The following MAPK3 variants were observed in gnomAD, a reference collection of about 807,000 sequenced individuals.
The protein encoded by MAPK3 is mitogen-activated protein kinase 3, also known as MAPK 1.
Under a neutral mutation model 41.8 loss-of-function variants are expected in MAPK3, and 30 were observed. The ratio of observed to expected loss-of-function variants is 0.72; its 90% CI spans 0.54 to 0.97. MAPK3 has a LOEUF of 0.97. MAPK3 is among the 50% of genes least tolerant of loss of function. The pLI is 0.00. For missense variants in MAPK3, 413 were observed against 509.9 expected (o/e 0.81, Z 1.83); for synonymous variants, 222 against 213.4 (o/e 1.04, Z -0.35).
chr16:30,121,795 ACCAGCCGACTGGC>A lies in MAPK3; in HGVS notation c.353+16_353+28del, dbSNP rs1320908548. Reference sequence around the variant, plus strand: ...CAGCCCAGCTGCGAGGCCGTGCCTGACCAGCCGACTGGCCAAGGTGAAGGATACACATCTCTCA... The same window carrying A: ...CAGCCCAGCTGCGAGGCCGTGCCTGACAAGGTGAAGGATACACATCTCTCA... On this transcript the variant is annotated intron_variant, in intron 2 of 8. Transcript: ENST00000263025. 1.5e-5 allele frequency: 24 copies of A among 1,605,680 alleles called. No individual in the cohort carries two copies. The highest frequency in any genetic ancestry group is 2.7e-5 in the African/African-American group (2 of 74,834).
At chr16:30,121,401 C>T (rs1234074460) in intron 2 of MAPK3, among the ~76,000 whole-genome samples, 3 of 152,214 alleles carry the variant, frequency 2.0e-5, no homozygotes, top group Non-Finnish European at 4.4e-5. Flanking sequence ...TGAGCCACCA[C>T]GCCCAGCTGA....
chr16:30,115,073 C>CAAA (rs35952168), intron 8 of MAPK3, among the ~76,000 whole-genome samples: 5 of 65,506 alleles, frequency 7.6e-5, no homozygotes, highest in Admixed American at 1.8e-4. Context: ...CCCAGCTCCA[C>CAAA]AAAAAAAAAA....
intron 5 of MAPK3, 82 bp from the exon 6 acceptor site, chr16:30,117,367 C>A (rs2072967443): frequency 1.4e-6 from 2 of 1,441,038 alleles, no homozygotes; most frequent in South Asian, 2.5e-5. Context: ...GAACAAGACC[C>A]CCCAGCCCAG....
At chr16:30,122,092 G>A (rs780248443) in intron 1 of MAPK3, 86 bp from the exon 2 acceptor site, 2 of 1,324,774 alleles carry the variant, frequency 1.5e-6, no homozygotes, top group Non-Finnish European at 2.2e-6. Flanking sequence ...TTGGCAGGGA[G>A]GGGAGAGAGC....
intron 5 of MAPK3, 111 bp downstream of exon 5, chr16:30,117,559 T>C (rs2072969778): frequency 3.5e-6 from 3 of 855,446 alleles, no homozygotes; most frequent in Admixed American, 1.8e-5. Context: ...TGAGATACCA[T>C]GAGATGCTGG....
In MAPK3 at chr16:30,117,217, G is replaced by C; in HGVS notation, c.844C>G (p.Gln282Glu). 5 of 1,614,150 alleles carry C rather than the reference G, an allele frequency of 3.1e-6. No homozygotes were observed. The highest frequency in any genetic ancestry group is 4.2e-6 in the Non-Finnish European group (5 of 1,180,016). ...IINMKARNYL[Q>E]SLPSKTKVAW... Reference sequence around the variant, plus strand: ...ACCTTGGTCTTGGAGGGCAGAGACTGTAGGTAGTTTCGGGCCTTCATGTTG... The same window carrying C: ...ACCTTGGTCTTGGAGGGCAGAGACTCTAGGTAGTTTCGGGCCTTCATGTTG... Residue 282 changes from glutamine (Q) to glutamate (E), a missense_variant, in exon 6 of 9, where the codon CAG (glutamine) becomes GAG (glutamate). Physicochemically the swap from Gln to Glu is conservative, Grantham distance 29 (BLOSUM62 2). Coordinates refer to ENST00000263025, the MANE Select transcript of MAPK3 (RefSeq NM_002746.3).
At chr16:30,118,909 C>T (rs565607922) in intron 2 of MAPK3, among the ~76,000 whole-genome samples, 96 of 152,052 alleles carry the variant, frequency 6.3e-4, no homozygotes, top group African/African-American at 2.2e-3. Flanking sequence ...GAGGCTGAGG[C>T]GGGAGGACTG....
intron 1 of MAPK3, 94 bp downstream of exon 1, chr16:30,122,946 T>C: frequency 8.9e-7 from 1 of 1,127,806 alleles, no homozygotes; most frequent in Non-Finnish European, 1.2e-6. Context: ...ACGCTCCGCG[T>C]CTCCACGTCC....
intron 2 of MAPK3, among the ~76,000 whole-genome samples, chr16:30,121,390 G>A (rs191955048): frequency 6.6e-6 from 1 of 152,168 alleles, no homozygotes; most frequent in Non-Finnish European, 1.5e-5. Context: ...GATTACAGGC[G>A]TGAGCCACCA....
chr16:30,123,177 G>T lies in MAPK3; in HGVS notation c.33C>A (p.Gly11=). 2 of 636,916 alleles carry T rather than the reference G, an allele frequency of 3.1e-6. No individual in the cohort carries two copies. The highest frequency in any genetic ancestry group is 2.1e-6 in the Non-Finnish European group (1 of 465,312). The allele number at this position is 636,916 out of a possible 1,614,324, so 39.5% of individuals were successfully genotyped here. A position where few individuals can be genotyped will look rare whatever the true frequency, so the allele number is the denominator to read the frequency against. ...CCCCCTCGGTTCTACGGGGCTCCCC[G>T]CCCCCGCCCCCCTGAGCCGCCGCCG... MAAAAAQGGG[G]GEPRRTEGVG... The change falls in exon 1 of 9, where the codon GGC becomes GGA. Residue 11 remains glycine, a synonymous_variant. Coordinates refer to ENST00000263025, the MANE Select transcript of MAPK3 (RefSeq NM_002746.3).
intron 8 of MAPK3, 117 bp downstream of exon 8, chr16:30,116,519 G>A: frequency 2.6e-6 from 3 of 1,154,702 alleles, no homozygotes; most frequent in South Asian, 1.5e-5. Context: ...CATTGACCAT[G>A]GGTGTGGGGT....
intron 8 of MAPK3, among the ~76,000 whole-genome samples, chr16:30,115,035 GA>G (rs2072941256): frequency 6.7e-6 from 1 of 148,850 alleles, no homozygotes; most frequent in Non-Finnish European, 1.5e-5. Context: ...CCAGGAGTTT[GA>G]GACTGGCCTG....
At chr16:30,122,927 C>T in intron 1 of MAPK3, 113 bp downstream of exon 1, 1 of 995,812 alleles carries the variant, frequency 1.0e-6, no homozygotes, top group Non-Finnish European at 1.4e-6. Flanking sequence ...AGTCTCCTGC[C>T]TCCTCGGGAC....
At chr16:30,122,169 C>T in intron 1 of MAPK3, 163 bp from the exon 2 acceptor site, 3 of 683,082 alleles carry the variant, frequency 4.4e-6, no homozygotes, top group Admixed American at 5.3e-5. Context: ...CTGGGATCTC[C>T]AGAGAGAAAG....
At chr16:30,114,849 T>TAATAGTACCTC (rs2072939267) in intron 8 of MAPK3, 141 bp from the exon 9 acceptor site, 1 of 152,186 alleles carries the variant, frequency 6.6e-6, no homozygotes, top group Non-Finnish European at 1.5e-5. Context: ...ATGGAGATAA[T>TAATAGTACCTC]AATAGTACCT....
chr16:30,121,755 C>A (rs1043072601), intron 2 of MAPK3, 69 bp downstream of exon 2: 11 of 1,504,868 alleles, frequency 7.3e-6, no homozygotes, highest in Non-Finnish European at 9.9e-6. Context: ...AAACAGAAAC[C>A]AAGCAACGGG....
At chr16:30,123,014 C>A in intron 1 of MAPK3, 26 bp downstream of exon 1, 2 of 1,461,382 alleles carry the variant, frequency 1.4e-6, no homozygotes, top group Non-Finnish European at 9.1e-7. Context: ...CCTGAGGGCA[C>A]CCCCTCCCCC....
At chr16:30,116,829 G>C in intron 7 of MAPK3, 39 bp from the exon 8 acceptor site, 2 of 1,613,550 alleles carry the variant, frequency 1.2e-6, no homozygotes, top group Non-Finnish European at 1.7e-6. Context: ...GCCTGGCATG[G>C]GGGATGCCTA....
At position 30,117,159 on chromosome 16, in the gene MAPK3, G is replaced by T; in HGVS notation, c.902C>A (p.Ser301Tyr). The change falls in exon 6 of 9, where the codon TCC becomes TAC. Residue 301 changes from serine (S) to tyrosine (Y), a missense_variant. Coordinates refer to ENST00000263025, the MANE Select transcript of MAPK3 (RefSeq NM_002746.3). ...AWAKLFPKSDSKALDLLDRML... is the reference protein window; with the variant it reads ...AWAKLFPKSDYKALDLLDRML... Reference sequence around the variant, plus strand: ...CACCCTCATGTCTCTCGAACCTTTGGAGTCTGACTTGGGGAAAAGCTTGGC... The same window carrying T: ...CACCCTCATGTCTCTCGAACCTTTGTAGTCTGACTTGGGGAAAAGCTTGGC... 1 of 1,614,074 alleles carries T rather than the reference G, an allele frequency of 6.2e-7. No individual in the cohort carries two copies. The highest frequency in any genetic ancestry group is 1.1e-5 in the South Asian group (1 of 91,052).
Sources: allele counts gnomAD v4.1 joint callset (sites outside exome capture counted in the v4.1 genomes callset), GRCh38; gene constraint gnomAD v4.1.1; transcripts MANE v1.5; gene names NCBI Gene and HGNC (gene_info 2026-07-23, HGNC 2026-07-21).